ASAP1: variants seen among roughly 807,000 people sequenced by gnomAD.
The protein encoded by ASAP1 is arf-GAP with SH3 domain, ANK repeat and PH domain-containing protein 1.
Under a neutral mutation model 145.2 loss-of-function variants are expected in ASAP1, and 43 were observed. The observed-to-expected ratio is 0.30, with a 90% CI of 0.23 to 0.38. The LOEUF is 0.38. Among genes scored for constraint, ASAP1 ranks in the 10% least tolerant of loss-of-function variants. The pLI, the probability that ASAP1 is intolerant of heterozygous loss-of-function variation, is 1.00. For missense variants in ASAP1, 1,018 were observed against 1,355.3 expected (o/e 0.75, Z 3.91); for synonymous variants, 546 against 515.5 (o/e 1.06, Z -0.80).
At chr8:130,304,866 A>G (rs185539093) in intron 3 of ASAP1, among the ~76,000 whole-genome samples, 1 of 152,352 alleles carries the variant, frequency 6.6e-6, no homozygotes, top group East Asian at 1.9e-4. Context: ...AAACAAATGG[A>G]AAACCCAAAA....
At chr8:130,147,168 G>A (rs912477264) in intron 13 of ASAP1, among the ~76,000 whole-genome samples, 1 of 130,738 alleles carries the variant, frequency 7.6e-6, no homozygotes, top group Non-Finnish European at 1.5e-5. Flanking sequence ...CCAAGATGGT[G>A]CCACTGCACT....
chr8:130,167,502 T>G (rs776795194), intron 11 of ASAP1, 34 bp downstream of exon 11: 2 of 1,549,918 alleles, frequency 1.3e-6, no homozygotes, highest in Admixed American at 3.3e-5. Context: ...TTACCTACAC[T>G]GTTAGCCCTG....
intron 10 of ASAP1, 112 bp from the exon 11 acceptor site, chr8:130,167,734 C>T: frequency 2.7e-6 from 2 of 736,992 alleles, no homozygotes; most frequent in Admixed American, 2.6e-5. Context: ...GGTTTTCTTA[C>T]TAAAAGTCCT....
rs543912879 is a variant in ASAP1 at position 130,103,693 on chromosome 8, G to A, written c.2401+8401C>T. 1.5e-4 allele frequency among the ~76,000 whole-genome samples: 23 copies of A among 152,046 alleles called. No homozygotes were observed. The South Asian group carries it at 4.4e-3, about 29-fold the overall frequency. ...AATTTTTGTATTTTTAGTAGAGATG[G>A]GGTTTCACCATGTTGGCCAGGCTGG... is the stretch of plus-strand genomic sequence containing the variant. On this transcript the variant is annotated intron_variant, in intron 24 of 29. Coordinates refer to ENST00000518721, the MANE Select transcript of ASAP1 (RefSeq NM_018482.4).
intron 18 of ASAP1, among the ~76,000 whole-genome samples, chr8:130,123,471 C>T (rs75143892): frequency 0.02 from 3,102 of 152,166 alleles, 49 homozygotes; most frequent in East Asian, 0.065. Context: ...AGAGCAGGTG[C>T]GCAGCTGCAA....
intron 1 of ASAP1, among the ~76,000 whole-genome samples, chr8:130,406,923 C>T (rs1004733739): frequency 1.3e-5 from 2 of 152,148 alleles, no homozygotes; most frequent in African/African-American, 4.8e-5. Flanking sequence ...TTGTCCAGTC[C>T]GAGCTGAAAT....
intron 3 of ASAP1, among the ~76,000 whole-genome samples, chr8:130,309,890 T>C (rs1299932639): frequency 6.6e-6 from 1 of 152,184 alleles, no homozygotes; most frequent in Non-Finnish European, 1.5e-5. Context: ...TGAAAATCTG[T>C]CAAAATCCAG....
chr8:130,220,801 G>C (rs1001609987), intron 4 of ASAP1, among the ~76,000 whole-genome samples: 4 of 152,310 alleles, frequency 2.6e-5, no homozygotes, highest in East Asian at 1.9e-4. Flanking sequence ...CATGGTGGAA[G>C]GGGAAGCAAA....
At chr8:130,149,136 T>C (rs143877463) in intron 13 of ASAP1, among the ~76,000 whole-genome samples, 567 of 150,160 alleles carry the variant, frequency 3.8e-3, no homozygotes, top group Non-Finnish European at 6.2e-3. Context: ...ATTACAGGCA[T>C]GAGCCACCGC....
intron 12 of ASAP1, among the ~76,000 whole-genome samples, chr8:130,155,174 T>C (rs79096708): frequency 0.023 from 3,490 of 152,270 alleles, 142 homozygotes; most frequent in African/African-American, 0.078. Context: ...TACTTACACA[T>C]GTATATTATG....
chr8:130,266,077 G>A (rs1358657029), intron 3 of ASAP1, among the ~76,000 whole-genome samples: 1 of 152,146 alleles, frequency 6.6e-6, no homozygotes, highest in Non-Finnish European at 1.5e-5. Flanking sequence ...ATGACCCACA[G>A]GTGCGGGGTT....
In ASAP1 at chr8:130,072,824, T is replaced by TGTGTGTGTGTGTGCGCGCGC; in HGVS notation, c.2701+3523_2701+3524insGCGCGCGCACACACACACAC. On this transcript the variant is annotated intron_variant, in intron 27 of 29. Coordinates refer to ENST00000518721, the MANE Select transcript of ASAP1 (RefSeq NM_018482.4). ...GTGTGTGTGTGTGTGTGTGTGTGTG[T>TGTGTGTGTGTGTGCGCGCGC]GCGCGCGGGGGGGGGCAGTTTTGGG... Among the ~76,000 whole-genome samples the TGTGTGTGTGTGTGCGCGCGC allele has an allele frequency of 5.9e-4, 19 of 32,278 alleles. 1 individual carries two copies. The East Asian group carries it at 7.2e-3, about 12-fold the overall frequency. The allele number at this position is 32,278 out of a possible 152,430, so 21.2% of individuals were successfully genotyped here. A position where few individuals can be genotyped will look rare whatever the true frequency, so the allele number is the denominator to read the frequency against.
At chr8:130,382,320 A>G (rs919128832) in intron 2 of ASAP1, among the ~76,000 whole-genome samples, 1 of 150,524 alleles carries the variant, frequency 6.6e-6, no homozygotes, top group Non-Finnish European at 1.5e-5. Context: ...GAAATTAAAG[A>G]TATCACCTTG....
intron 13 of ASAP1, among the ~76,000 whole-genome samples, chr8:130,149,625 C>A (rs1489293945): frequency 1.3e-5 from 2 of 152,150 alleles, no homozygotes; most frequent in Non-Finnish European, 2.9e-5. Context: ...GGCCTTCAAA[C>A]CAAAGAATTT....
At chr8:130,245,993 G>T (rs1818826094) in intron 3 of ASAP1, among the ~76,000 whole-genome samples, 1 of 152,096 alleles carries the variant, frequency 6.6e-6, no homozygotes, top group South Asian at 2.1e-4. Context: ...CCTTTCAAAA[G>T]TCAGTCACAT....
chr8:130,216,495 GTTCT>G (rs1186998267), intron 4 of ASAP1, among the ~76,000 whole-genome samples: 1 of 152,192 alleles, frequency 6.6e-6, no homozygotes, highest in Non-Finnish European at 1.5e-5. Flanking sequence ...CTTGAAACAT[GTTCT>G]TTGTCTGGCT....
In ASAP1 at chr8:130,407,720, T is replaced by C. The variant is rs544126457; in HGVS notation, c.-27-5750A>G. 2.6e-5 allele frequency among the ~76,000 whole-genome samples: 4 copies of C among 152,368 alleles called. No individual in the cohort carries two copies. The South Asian group carries it at 8.3e-4, about 32-fold the overall frequency. On this transcript the variant is annotated intron_variant, in intron 1 of 29. Coordinates refer to ENST00000518721, the MANE Select transcript of ASAP1 (RefSeq NM_018482.4). ...TACAGTTTGTCAGTCAGGACAGGAA[T>C]TCCTGATGCCATGCAGGAATCGGGG... is the stretch of plus-strand genomic sequence containing the variant.
intron 3 of ASAP1, among the ~76,000 whole-genome samples, chr8:130,329,640 A>T (rs1824556196): frequency 6.6e-6 from 1 of 152,204 alleles, no homozygotes; most frequent in South Asian, 2.1e-4. Flanking sequence ...CCAACTAAAC[A>T]CTTCAGGTAT....
chr8:130,355,068 G>A (rs548240618), intron 3 of ASAP1, among the ~76,000 whole-genome samples: 1 of 152,160 alleles, frequency 6.6e-6, no homozygotes, highest in South Asian at 2.1e-4. Flanking sequence ...TAGTAGAGAT[G>A]GGGTTTCCCT....
Sources: allele counts gnomAD v4.1 joint callset (sites outside exome capture counted in the v4.1 genomes callset), GRCh38; gene constraint gnomAD v4.1.1; transcripts MANE v1.5; gene names NCBI Gene and HGNC (gene_info 2026-07-23, HGNC 2026-07-21).